Variants in DHX36 observed in about 807,000 individuals in gnomAD.
DHX36 encodes DEAH-box helicase 36.
A neutral mutation model predicts 139.0 loss-of-function variants in DHX36; 50 were observed. The ratio of observed to expected loss-of-function variants is 0.36; its 90% CI spans 0.29 to 0.46. The LOEUF is 0.46. Among genes scored for constraint, DHX36 ranks in the 20% least tolerant of loss-of-function variants. DHX36 has a pLI of 1.00. For missense variants in DHX36, 1,024 were observed against 1,211.3 expected, an observed-to-expected ratio of 0.85 and a Z score of 2.29; for synonymous variants, 425 against 401.9, an observed-to-expected ratio of 1.06 and a Z score of -0.69.
At chr3:154,281,849 T>G (rs1425884713) in intron 20 of DHX36, among the ~76,000 whole-genome samples, 1 of 146,110 alleles carries the variant, frequency 6.8e-6, no homozygotes, top group East Asian at 2.0e-4. Flanking sequence ...TAACACCATT[T>G]TGTTATTAGC....
At chr3:154,293,291 C>T (rs554481283) in intron 14 of DHX36, among the ~76,000 whole-genome samples, 1 of 152,258 alleles carries the variant, frequency 6.6e-6, no homozygotes, top group South Asian at 2.1e-4. Context: ...AAAACCCCCA[C>T]AAAACTGGCC....
intron 1 of DHX36, among the ~76,000 whole-genome samples, chr3:154,317,545 A>C (rs1352960145): frequency 6.6e-6 from 1 of 152,050 alleles, no homozygotes; most frequent in Non-Finnish European, 1.5e-5. Context: ...GAACAAACAA[A>C]AGACTAGGAG....
chr3:154,301,062 T>C lies in DHX36; in HGVS notation c.1283A>G (p.Asn428Ser), dbSNP rs778759805. ...TTCTTTTTCTTCTTTTTCTTGTCTA[T>C]TTACATGCCCTTGCATGAAACCCCT... ...FKRGFMQGHV[N>S]RQEKEEKEAI... The change falls in exon 10 of 25, where the codon AAT (asparagine) becomes AGT (serine). Residue 428 changes from asparagine (N) to serine (S), a missense_variant. Physicochemically the swap from Asn to Ser is conservative, Grantham distance 46. Coordinates refer to ENST00000496811, the MANE Select transcript of DHX36 (RefSeq NM_020865.3). 3.1e-6 allele frequency: 5 copies of C among 1,613,446 alleles called. No individual in the cohort carries two copies. The highest frequency in any genetic ancestry group is 4.2e-6 in the Non-Finnish European group (5 of 1,179,886).
intron 17 of DHX36, 37 bp from the exon 18 acceptor site, chr3:154,285,024 T>C (rs1559946395): frequency 4.4e-6 from 7 of 1,603,688 alleles, no homozygotes; most frequent in Non-Finnish European, 6.0e-6. Context: ...ATAGATCCTG[T>C]AAAGCATTAC....
rs67771264 is a variant in DHX36 at position 154,312,852 on chromosome 3, A to AATAT, written c.604-1182_604-1179dup. Among the ~76,000 whole-genome samples, 381 of 39,626 alleles carry AATAT rather than the reference A, an allele frequency of 9.6e-3. 1 individual carries two copies. The highest frequency in any genetic ancestry group is 0.031 in the Middle Eastern group (1 of 32). 26.0% of individuals were successfully genotyped at this position (39,626 alleles called of 152,430 possible). ...CAAAAAAAAAAAAGGAAATAATTAA[A>AATAT]ATATATATATATATATATATATATA... is the stretch of plus-strand genomic sequence containing the variant. On this transcript the variant is annotated intron_variant, in intron 3 of 24. Transcript: ENST00000496811.
chr3:154,300,239 T>C (rs1432925190), intron 11 of DHX36, among the ~76,000 whole-genome samples: 1 of 152,092 alleles, frequency 6.6e-6, no homozygotes, highest in African/African-American at 2.4e-5. Flanking sequence ...AGCAAATTTT[T>C]GTATTTTTAG....
At chr3:154,281,499 A>G (rs1463538383) in intron 20 of DHX36, among the ~76,000 whole-genome samples, 2 of 152,094 alleles carry the variant, frequency 1.3e-5, no homozygotes, top group Non-Finnish European at 2.9e-5. Flanking sequence ...ATATACTGAT[A>G]GAAGAAATGC....
intron 13 of DHX36, among the ~76,000 whole-genome samples, chr3:154,294,593 A>T (rs1271581118): frequency 6.6e-6 from 1 of 152,194 alleles, no homozygotes; most frequent in Non-Finnish European, 1.5e-5. Context: ...CTCTTCTCTC[A>T]GGTATGTACT....
chr3:154,289,831 A>G lies in DHX36; in HGVS notation c.1815-5T>C, dbSNP rs1285179231. The G allele has an allele frequency of 6.6e-7, 1 of 1,520,098 alleles. No homozygotes were observed. The highest frequency in any genetic ancestry group is 9.0e-7 in the Non-Finnish European group (1 of 1,115,840). 94.2% of individuals were successfully genotyped at this position (1,520,098 alleles called of 1,614,324 possible). On this transcript the variant is annotated splice_region_variant and splice_polypyrimidine_tract_variant and intron_variant, in intron 15 of 24. Coordinates refer to ENST00000496811, the MANE Select transcript of DHX36 (RefSeq NM_020865.3). Reference sequence around the variant, plus strand: ...TAGCAATGACCAGGTTGAACTCTTAAAAAAAAAACAAAACAAAATGAAACA... The same window carrying G: ...TAGCAATGACCAGGTTGAACTCTTAGAAAAAAAACAAAACAAAATGAAACA...
At chr3:154,284,273 G>C (rs113888139) in intron 19 of DHX36, among the ~76,000 whole-genome samples, 1 of 152,014 alleles carries the variant, frequency 6.6e-6, no homozygotes, top group Non-Finnish European at 1.5e-5. Context: ...ACCGCGCCCC[G>C]GAGTTCAAGC....
intron 12 of DHX36, among the ~76,000 whole-genome samples, chr3:154,298,606 A>G (rs1712135166): frequency 6.6e-6 from 1 of 152,228 alleles, no homozygotes; most frequent in African/African-American, 2.4e-5. Context: ...TTAGATCAAA[A>G]TATTTTCTAG....
At chr3:154,287,500 C>T (rs1711587084) in intron 17 of DHX36, among the ~76,000 whole-genome samples, 1 of 151,726 alleles carries the variant, frequency 6.6e-6, no homozygotes, top group African/African-American at 2.4e-5. Flanking sequence ...ACGAAAAATA[C>T]AAAAATTAGC....
In DHX36 at chr3:154,299,926, C is replaced by G. The variant is rs1301378459; in HGVS notation, c.1462-1G>C. The G allele has an allele frequency of 6.2e-7, 1 of 1,606,902 alleles. No homozygotes were observed. Among genetic ancestry groups the G allele is most frequent in the Non-Finnish European group, 8.5e-7 (1 of 1,173,894 alleles). On this transcript the variant is annotated splice_acceptor_variant, in intron 11 of 24. Transcript: ENST00000496811. LOFTEE classifies it high-confidence loss of function. ...GCAGAAAGACCAGTATCGCACCATC[C>G]TATATGAAGGGGAAATAACCATTAC...
At chr3:154,292,008 C>G (rs1452652704) in intron 15 of DHX36, among the ~76,000 whole-genome samples, 1 of 152,180 alleles carries the variant, frequency 6.6e-6, no homozygotes, top group African/African-American at 2.4e-5. Context: ...AAAATCAGTA[C>G]TGCTATAAAA....
intron 3 of DHX36, among the ~76,000 whole-genome samples, chr3:154,312,439 C>T (rs1487802464): frequency 6.6e-6 from 1 of 151,762 alleles, no homozygotes; most frequent in Non-Finnish European, 1.5e-5. Flanking sequence ...TACATAAAAA[C>T]ATTTAAGAAG....
At chr3:154,276,432 AC>A in intron 24 of DHX36, 76 bp from the exon 25 acceptor site, 1 of 1,354,280 alleles carries the variant, frequency 7.4e-7, no homozygotes, top group South Asian at 1.3e-5. Flanking sequence ...AAACTAATTT[AC>A]CTGATACAAG....
intron 1 of DHX36, among the ~76,000 whole-genome samples, chr3:154,323,334 TAAAAAA>T (rs879266652): frequency 6.9e-6 from 1 of 144,316 alleles, no homozygotes; most frequent in Non-Finnish European, 1.5e-5. Context: ...GACCCTGTCT[TAAAAAA>T]AAAAAAAGTT....
At chr3:154,306,596 T>C (rs1488269083) in intron 5 of DHX36, among the ~76,000 whole-genome samples, 1 of 152,156 alleles carries the variant, frequency 6.6e-6, no homozygotes, top group African/African-American at 2.4e-5. Context: ...GAGTTGTAAA[T>C]CAAGATCTAA....
chr3:154,322,864 G>A (rs1324843313), intron 1 of DHX36, among the ~76,000 whole-genome samples: 1 of 152,168 alleles, frequency 6.6e-6, no homozygotes, highest in Non-Finnish European at 1.5e-5. Flanking sequence ...TTAGACGTCC[G>A]TATCCTGATT....
Sources: gnomAD v4.1 joint callset for allele counts (sites outside exome capture counted in the v4.1 genomes callset) on GRCh38, gnomAD v4.1.1 for gene constraint, MANE v1.5 for transcripts, NCBI Gene and HGNC (gene_info 2026-07-23, HGNC 2026-07-21) for gene names.